Variants in KIF27 observed in about 807,000 individuals in gnomAD.
KIF27 encodes kinesin-like protein KIF27.
KIF27 carries 84 observed loss-of-function variants against 141.8 expected under a neutral mutation model. The ratio of observed to expected loss-of-function variants is 0.59; its 90% CI spans 0.50 to 0.71. KIF27 has a LOEUF of 0.71. KIF27 is among the 30% of genes least tolerant of loss of function. KIF27 has a pLI of 0.00. For synonymous variants in KIF27, 471 were observed against 569.5 expected, an observed-to-expected ratio of 0.83 and a Z score of 2.46; for missense variants, 1,306 against 1,628.4, an observed-to-expected ratio of 0.80 and a Z score of 3.41.
rs149882719 is a variant in KIF27 at position 83,870,260 on chromosome 9, G to C, written c.2757+259C>G. ...CGGCTCACTGCAGCCTCCACCTCCA[G>C]GGTTCAAGCGATTCTCCTGCCTCAG... On this transcript the variant is annotated intron_variant, in intron 12 of 17. Coordinates refer to ENST00000297814, the MANE Select transcript of KIF27 (RefSeq NM_017576.4). 6.0e-3 allele frequency among the ~76,000 whole-genome samples: 916 copies of C among 152,028 alleles called. 10 individuals are homozygous for C. Among genetic ancestry groups the C allele is most frequent in the African/African-American group, 0.021 (870 of 41,476 alleles).
chr9:83,896,431 T>C (rs770586220), intron 5 of KIF27, among the ~76,000 whole-genome samples: 9 of 152,156 alleles, frequency 5.9e-5, no homozygotes, highest in Non-Finnish European at 1.0e-4. Flanking sequence ...TACCAACAAT[T>C]AGGGAATTTG....
Position 83,857,966 on chromosome 9 carries a change from GTT to G in KIF27, c.3150+1188_3150+1189del, listed in dbSNP as rs373203891. Among the ~76,000 whole-genome samples, 37 of 123,350 alleles carry G rather than the reference GTT, an allele frequency of 3.0e-4. 1 individual carries two copies. Among genetic ancestry groups the G allele is most frequent in the African/African-American group, 7.8e-4 (26 of 33,420 alleles). The allele number at this position is 123,350 out of a possible 152,430, so 80.9% of individuals were successfully genotyped here. Reference sequence around the variant, plus strand: ...TCTCAAGGGAAACATAATACTTTGGGTTTTTTTTTTTTTTTTTTGCTTCTTCT... The same window carrying G: ...TCTCAAGGGAAACATAATACTTTGGGTTTTTTTTTTTTTTTTGCTTCTTCT... On this transcript the variant is annotated intron_variant, in intron 14 of 17. Coordinates refer to ENST00000297814, the MANE Select transcript of KIF27 (RefSeq NM_017576.4).
At chr9:83,846,246 T>C (rs1008733640) in intron 16 of KIF27, among the ~76,000 whole-genome samples, 6 of 152,178 alleles carry the variant, frequency 3.9e-5, no homozygotes, top group African/African-American at 1.2e-4. Flanking sequence ...AGGGCAGAGG[T>C]TTGTCCTCAC....
chr9:83,894,580 G>A (rs1952992348), intron 5 of KIF27, among the ~76,000 whole-genome samples: 1 of 152,164 alleles, frequency 6.6e-6, no homozygotes, highest in South Asian at 2.1e-4. Context: ...GTGCCTTCAT[G>A]ACCCACGCAT....
At chr9:83,837,679 G>C in intron 17 of KIF27, 194 bp from the exon 18 acceptor site, 1 of 484,718 alleles carries the variant, frequency 2.1e-6, no homozygotes, top group Non-Finnish European at 3.6e-6. Flanking sequence ...CAGGCATCTT[G>C]CATGTGAATA....
At chr9:83,867,646 T>C (rs1435455099) in intron 13 of KIF27, 38 bp downstream of exon 13, 1 of 1,550,794 alleles carries the variant, frequency 6.4e-7, no homozygotes, top group Non-Finnish European at 8.7e-7. Context: ...TAGGGAGTGG[T>C]TTACAACCAG....
At position 83,856,913 on chromosome 9, in the gene KIF27, A is replaced by C. The variant is rs533798197; in HGVS notation, c.3150+2243T>G. ...CAGAGTGAGACTCCATCTCAAAAAAAAAAAAAAAAAGTATGTTCTCATCAT... is the reference window on the plus strand; with the variant it reads ...CAGAGTGAGACTCCATCTCAAAAAACAAAAAAAAAAGTATGTTCTCATCAT... On this transcript the variant is annotated intron_variant, in intron 14 of 17. Transcript: ENST00000297814. 6.2e-4 allele frequency among the ~76,000 whole-genome samples: 94 copies of C among 151,690 alleles called. 2 individuals carry two copies. In the South Asian group the frequency reaches 0.017, roughly 27 times the overall value.
intron 12 of KIF27, 134 bp from the exon 13 acceptor site, chr9:83,867,994 A>G: frequency 2.1e-6 from 2 of 944,048 alleles, no homozygotes; most frequent in Non-Finnish European, 3.0e-6. Context: ...TAACTCAGGT[A>G]GCCGTCTGAG....
At position 83,903,816 on chromosome 9, in the gene KIF27, C is replaced by A. The variant is rs773782527; in HGVS notation, c.702G>T (p.Arg234=). Residue 234 remains arginine, a synonymous_variant, in exon 4 of 18, where the codon CGG becomes CGT. Transcript: ENST00000297814. ...AAEDGSWYSP[R]HIVSKFHFVD... ...CAAAGTGGAACTTTGAGACAATATGCCGAGGGGAATACCATGATCCATCTT... is the reference window on the plus strand; with the variant it reads ...CAAAGTGGAACTTTGAGACAATATGACGAGGGGAATACCATGATCCATCTT... The A allele has an allele frequency of 6.2e-7, 1 of 1,614,046 alleles. No individual in the cohort carries two copies. Among genetic ancestry groups the A allele is most frequent in the Non-Finnish European group, 8.5e-7 (1 of 1,180,036 alleles).
chr9:83,878,701 G>A (rs1413586126), intron 11 of KIF27, among the ~76,000 whole-genome samples: 1 of 152,162 alleles, frequency 6.6e-6, no homozygotes, highest in Non-Finnish European at 1.5e-5. Flanking sequence ...TCTAGAATAA[G>A]CAAATTCATA....
chr9:83,877,605 T>C (rs1389581890), intron 11 of KIF27, among the ~76,000 whole-genome samples: 3 of 152,162 alleles, frequency 2.0e-5, no homozygotes, highest in African/African-American at 7.2e-5. Context: ...AGGCAATGGA[T>C]TCTTAGACAT....
Position 83,914,211 on chromosome 9 carries a change from CA to C in KIF27, c.298+1082del, listed in dbSNP as rs374605136. On this transcript the variant is annotated intron_variant, in intron 2 of 17. Transcript: ENST00000297814. ...TTAGGATTATAAAACATTTGCCAAT[CA>C]AAAAAAAAAAAACCCTACAATCCTA... Among the ~76,000 whole-genome samples the C allele has an allele frequency of 8.5e-3, 1,074 of 127,048 alleles. 11 individuals carry two copies. The highest frequency in any genetic ancestry group is 0.027 in the African/African-American group (887 of 32,980). 83.3% of individuals were successfully genotyped at this position (127,048 alleles called of 152,430 possible).
At chr9:83,901,646 G>A (rs1194452164) in intron 4 of KIF27, among the ~76,000 whole-genome samples, 1 of 152,124 alleles carries the variant, frequency 6.6e-6, no homozygotes, top group Non-Finnish European at 1.5e-5. Flanking sequence ...AGGCCGAGGC[G>A]GGCGGATCAT....
chr9:83,847,149 A>C (rs1010292004), intron 16 of KIF27, among the ~76,000 whole-genome samples: 9 of 152,324 alleles, frequency 5.9e-5, no homozygotes, highest in African/African-American at 2.4e-5. Flanking sequence ...CAACCTGCTG[A>C]GCTGCTTGCT....
rs1945900705 is a variant in KIF27 at position 83,836,821 on chromosome 9, A to T, written c.*180T>A. ...TTGATTACTATGGGAATATAAACTA[A>T]AACTCCCCAAATATATATAGAAGAT... On this transcript the variant is annotated 3_prime_UTR_variant, in exon 18 of 18. Transcript: ENST00000297814. 3 of 953,144 alleles carry T rather than the reference A, an allele frequency of 3.1e-6. No individual in the cohort carries two copies. The highest frequency in any genetic ancestry group is 4.4e-6 in the Non-Finnish European group (3 of 676,748). The allele number at this position is 953,144 out of a possible 1,614,324, so 59.0% of individuals were successfully genotyped here. A position where few individuals can be genotyped will look rare whatever the true frequency, so the allele number is the denominator to read the frequency against.
chr9:83,895,641 T>C (rs561357850), intron 5 of KIF27, among the ~76,000 whole-genome samples: 2 of 149,540 alleles, frequency 1.3e-5, no homozygotes, highest in South Asian at 4.2e-4. Flanking sequence ...ATAGAAGATA[T>C]AGAAGAAAAA....
At chr9:83,843,615 A>C (rs909449380) in intron 16 of KIF27, among the ~76,000 whole-genome samples, 1 of 152,222 alleles carries the variant, frequency 6.6e-6, no homozygotes, top group African/African-American at 2.4e-5. Context: ...ATCCCCATAA[A>C]GTATGTCATA....
At chr9:83,887,605 CTGTT>C (rs1157267037) in intron 8 of KIF27, among the ~76,000 whole-genome samples, 4 of 152,148 alleles carry the variant, frequency 2.6e-5, no homozygotes, top group Non-Finnish European at 5.9e-5. Context: ...TGGTCTAGCA[CTGTT>C]TGTTACTGTC....
At chr9:83,901,645 C>T (rs1378817605) in intron 4 of KIF27, among the ~76,000 whole-genome samples, 3 of 152,082 alleles carry the variant, frequency 2.0e-5, no homozygotes, top group South Asian at 2.1e-4. Flanking sequence ...GAGGCCGAGG[C>T]GGGCGGATCA....
Sources: gnomAD v4.1 joint callset for allele counts (sites outside exome capture counted in the v4.1 genomes callset) on GRCh38, gnomAD v4.1.1 for gene constraint, MANE v1.5 for transcripts, NCBI Gene and HGNC (gene_info 2026-07-23, HGNC 2026-07-21) for gene names.